INTS6L: variants seen among roughly 807,000 people sequenced by gnomAD.
The protein encoded by INTS6L is integrator complex subunit 6 like.
In INTS6L, 18 loss-of-function variants were observed where a neutral mutation model predicts 64.7. The ratio of observed to expected loss-of-function variants is 0.28; its 90% confidence interval spans 0.19 to 0.41. The LOEUF is 0.41. Ranked by LOEUF, INTS6L falls within the 10% of genes least tolerant of loss-of-function variation. INTS6L has a pLI of 1.00. For missense variants in INTS6L, 533 were observed against 661.0 expected, an observed-to-expected ratio of 0.81 and a Z score of 2.12; for synonymous variants, 227 against 235.9, an observed-to-expected ratio of 0.96 and a Z score of 0.34.
chrX:135,569,520 C>A, intron 10 of INTS6L, 89 bp downstream of exon 10: 1 of 504,923 alleles, frequency 2.0e-6, no homozygotes, highest in Non-Finnish European at 3.0e-6. Flanking sequence ...TTTACTGTTG[C>A]AATAAGAGAG....
At chrX:135,572,543 G>T (rs1298219439) in intron 11 of INTS6L, 2 of 241,624 alleles carry the variant, frequency 8.3e-6, no homozygotes, top group Non-Finnish European at 1.5e-5. Flanking sequence ...GTCTATGAAT[G>T]AAATTCTTAT....
intron 2 of INTS6L, among the ~76,000 whole-genome samples, chrX:135,534,832 T>A (rs1556507838): frequency 9.2e-6 from 1 of 109,119 alleles, no homozygotes; most frequent in Non-Finnish European, 1.9e-5. Context: ...GTTGGCTAAT[T>A]TGTATGTTAA....
chrX:135,566,645 C>T (rs1383367063), intron 9 of INTS6L, among the ~76,000 whole-genome samples: 7 of 111,790 alleles, frequency 6.3e-5, no homozygotes, highest in East Asian at 2.8e-4. Context: ...AATAGATAAA[C>T]GAAGCTTAAT....
chrX:135,521,569 A>G (rs1354024261), intron 2 of INTS6L, among the ~76,000 whole-genome samples: 1 of 110,672 alleles, frequency 9.0e-6, no homozygotes, highest in Admixed American at 9.4e-5. Context: ...TCGTGGCGCG[A>G]CAACCGCAGC....
At chrX:135,578,608 C>T (rs1209885424) in intron 15 of INTS6L, among the ~76,000 whole-genome samples, 2 of 111,571 alleles carry the variant, frequency 1.8e-5, no homozygotes, top group African/African-American at 3.3e-5. Context: ...GCACTATTTA[C>T]CCAGCGGTTC....
chrX:135,571,858 A>G (rs2087099891), intron 11 of INTS6L: 1 of 111,844 alleles, frequency 8.9e-6, no homozygotes, highest in Non-Finnish European at 1.9e-5. Flanking sequence ...CATTTTACAA[A>G]TGAGCTTTCA....
At chrX:135,560,304 G>A (rs2086753700) in intron 9 of INTS6L, among the ~76,000 whole-genome samples, 1 of 112,017 alleles carries the variant, frequency 8.9e-6, no homozygotes, top group South Asian at 3.7e-4. Context: ...TTGTAGGAGA[G>A]TTTTGTAGAT....
At chrX:135,531,300 G>T (rs782596033) in intron 2 of INTS6L, among the ~76,000 whole-genome samples, 7 of 111,253 alleles carry the variant, frequency 6.3e-5, no homozygotes, top group Non-Finnish European at 9.4e-5. Context: ...TTCCCTTGGG[G>T]AGTGTATCCT....
chrX:135,571,286 ATG>A (rs1156400813), intron 11 of INTS6L: 1 of 112,469 alleles, frequency 8.9e-6, no homozygotes, highest in African/African-American at 3.2e-5. Flanking sequence ...TATCATATGA[ATG>A]TGTTATGTTA....
intron 2 of INTS6L, among the ~76,000 whole-genome samples, chrX:135,542,685 T>C (rs907004446): frequency 8.9e-6 from 1 of 111,814 alleles, no homozygotes; most frequent in African/African-American, 3.3e-5. Flanking sequence ...AGATGAGTCA[T>C]AAAGTGGTAC....
chrX:135,522,860 A>G (rs1369695232), intron 2 of INTS6L, among the ~76,000 whole-genome samples: 1 of 112,594 alleles, frequency 8.9e-6, no homozygotes, highest in Non-Finnish European at 1.9e-5. Context: ...GACATCTTTC[A>G]AAATGCCGTA....
At chrX:135,529,392 A>G (rs1295912192) in intron 2 of INTS6L, among the ~76,000 whole-genome samples, 1 of 111,871 alleles carries the variant, frequency 8.9e-6, no homozygotes, top group Non-Finnish European at 1.9e-5. Context: ...ATATCATGGC[A>G]AGTCATCAGT....
chrX:135,563,563 C>T (rs1455249805), intron 9 of INTS6L, among the ~76,000 whole-genome samples: 1 of 100,481 alleles, frequency 1.0e-5, no homozygotes, highest in Non-Finnish European at 2.0e-5. Flanking sequence ...ATTTCCCCTT[C>T]ATTCCTGAAA....
chrX:135,575,785 A>AGTGTGTGT (rs10636685), intron 14 of INTS6L, among the ~76,000 whole-genome samples: 7 of 99,820 alleles, frequency 7.0e-5, no homozygotes, highest in African/African-American at 2.6e-4. Context: ...AAATGTGGGG[A>AGTGTGTGT]GTGTGTGTGT....
At chrX:135,550,488 A>G (rs1556516676) in intron 7 of INTS6L, among the ~76,000 whole-genome samples, 1 of 106,563 alleles carries the variant, frequency 9.4e-6, no homozygotes, top group African/African-American at 3.4e-5. Context: ...ACGGTATGAA[A>G]CCCACTCTCT....
At chrX:135,554,118 C>T (rs17330752) in intron 8 of INTS6L, among the ~76,000 whole-genome samples, 13,681 of 111,492 alleles carry the variant, frequency 0.12, 877 homozygotes, top group Non-Finnish European at 0.19. Flanking sequence ...GCACGAGGGA[C>T]TTACATTGTC....
At chrX:135,550,717 C>T (rs1377650841) in intron 7 of INTS6L, among the ~76,000 whole-genome samples, 1 of 111,585 alleles carries the variant, frequency 9.0e-6, no homozygotes, top group African/African-American at 3.3e-5. Flanking sequence ...CAGAAGTGGC[C>T]ATGAAAGACC....
At chrX:135,577,477 G>T in intron 15 of INTS6L, 50 bp downstream of exon 15, 4 of 1,104,936 alleles carry the variant, frequency 3.6e-6, no homozygotes, top group Non-Finnish European at 4.9e-6. Context: ...GGACTAAGAC[G>T]CTAAACAATT....
chrX:135,539,993 G>A (rs1289603048), intron 2 of INTS6L, among the ~76,000 whole-genome samples: 1 of 112,016 alleles, frequency 8.9e-6, no homozygotes, highest in Non-Finnish European at 1.9e-5. Flanking sequence ...TAGAAATATT[G>A]CAAAAATTAC....
Sources: gnomAD v4.1 joint callset for allele counts (sites outside exome capture counted in the v4.1 genomes callset) on GRCh38, gnomAD v4.1.1 for gene constraint, MANE v1.5 for transcripts, NCBI Gene and HGNC (gene_info 2026-07-23, HGNC 2026-07-21) for gene names.